UBXN11: variants seen among roughly 807,000 people sequenced by gnomAD.
The protein encoded by UBXN11 is UBX domain protein 11.
In UBXN11, 47 loss-of-function variants were observed where a neutral mutation model predicts 62.8. That is an observed-to-expected ratio of 0.75 (90% confidence interval 0.59 to 0.95). The LOEUF is 0.95. Ranked by LOEUF, UBXN11 falls within the 40% of genes least tolerant of loss-of-function variation. The pLI is 0.00. For missense variants in UBXN11, 638 were observed against 661.7 expected (o/e 0.96, Z 0.39); for synonymous variants, 294 against 267.0 (o/e 1.10, Z -0.99).
chr1:26,302,236 G>A (rs1196677163), intron 2 of UBXN11, among the ~76,000 whole-genome samples: 1 of 151,902 alleles, frequency 6.6e-6, no homozygotes, highest in Middle Eastern at 3.2e-3. Flanking sequence ...TATAGCATGC[G>A]CCTGTAGTCC....
At chr1:26,306,833 G>GGGGGGGGGGGGGGGGGT (rs1553165087), upstream of UBXN11, 5 of 32,150 alleles carry the variant, frequency 1.6e-4, no homozygotes, top group Non-Finnish European at 3.7e-4. Context: ...GCGGGGTGGG[G>GGGGGGGGGGGGGGGGGT]GGGGGGGGTG....
At chr1:26,307,883 T>G (rs2073697339), upstream of UBXN11, among the ~76,000 whole-genome samples, 1 of 152,062 alleles carries the variant, frequency 6.6e-6, no homozygotes, top group Non-Finnish European at 1.5e-5. Flanking sequence ...CATCTCTGCC[T>G]CCCAAAGTGG....
chr1:26,290,233 AACAGCTAGGTG>A (rs1285644777), intron 8 of UBXN11, among the ~76,000 whole-genome samples: 1 of 152,182 alleles, frequency 6.6e-6, no homozygotes, highest in Non-Finnish European at 1.5e-5. Context: ...CATGCATGAC[AACAGCTAGGTG>A]ACAGTGGCTG....
chr1:26,313,887 T>G (rs547354045), intron 1 of UBXN11, among the ~76,000 whole-genome samples: 30 of 151,670 alleles, frequency 2.0e-4, no homozygotes, highest in Admixed American at 5.9e-4. Flanking sequence ...TTCATGCCAT[T>G]CTCCTACCTC....
chr1:26,299,917 C>A (rs6659822), intron 4 of UBXN11, among the ~76,000 whole-genome samples: 27,348 of 151,950 alleles, frequency 0.18, 2,636 homozygotes, highest in African/African-American at 0.23. Flanking sequence ...ACTGATTGTG[C>A]CTGGGAGGCT....
intron 8 of UBXN11, among the ~76,000 whole-genome samples, chr1:26,287,433 G>A (rs1231039745): frequency 6.6e-6 from 1 of 152,132 alleles, no homozygotes; most frequent in Admixed American, 6.5e-5. Context: ...GTACAGACCA[G>A]GGGCCTGTTC....
At chr1:26,309,035 C>T (rs1320058306), upstream of UBXN11, among the ~76,000 whole-genome samples, 1 of 144,730 alleles carries the variant, frequency 6.9e-6, no homozygotes, top group Middle Eastern at 3.5e-3. Flanking sequence ...CAGATTCAAG[C>T]GATTCTCCAG....
At chr1:26,286,815 C>T (rs1029405085) in intron 8 of UBXN11, among the ~76,000 whole-genome samples, 2 of 148,608 alleles carry the variant, frequency 1.3e-5, no homozygotes, top group Non-Finnish European at 3.0e-5. Flanking sequence ...TCTCCTATCT[C>T]AGCCTCCTGA....
chr1:26,286,626 A>G (rs1557681036), intron 8 of UBXN11, among the ~76,000 whole-genome samples: 3 of 152,220 alleles, frequency 2.0e-5, no homozygotes, highest in Non-Finnish European at 4.4e-5. Flanking sequence ...CACCCTGTCC[A>G]TGTTTGCTAC....
chr1:26,297,360 C>A, intron 6 of UBXN11, 67 bp downstream of exon 6: 1 of 1,460,512 alleles, frequency 6.8e-7, no homozygotes, highest in South Asian at 1.4e-5. Context: ...GTGAAGCTTC[C>A]AGGAGCCCTG....
At chr1:26,300,398 T>A (rs1165408630) in intron 4 of UBXN11, among the ~76,000 whole-genome samples, 2 of 152,156 alleles carry the variant, frequency 1.3e-5, no homozygotes, top group Non-Finnish European at 2.9e-5. Flanking sequence ...ATCCCCAGCA[T>A]CCCCAGATCC....
chr1:26,284,265 C>CT lies in UBXN11; in HGVS notation c.974-21_974-20insA. 3 of 1,607,246 alleles carry CT rather than the reference C, an allele frequency of 1.9e-6. No individual in the cohort carries two copies. The highest frequency in any genetic ancestry group is 2.6e-6 in the Non-Finnish European group (3 of 1,176,356). ...TGGAGCCTACAGGCAGAGTTGGGAA[C>CT]CGGGGCCCAGGAAGGACTATGAGTG... is the stretch of plus-strand genomic sequence containing the variant. On this transcript the variant is annotated intron_variant, in intron 11 of 14. Transcript: ENST00000374222.
At chr1:26,299,797 G>A (rs573684891) in intron 4 of UBXN11, among the ~76,000 whole-genome samples, 1 of 152,190 alleles carries the variant, frequency 6.6e-6, no homozygotes, top group East Asian at 1.9e-4. Context: ...GACACCTGGA[G>A]CTCTTTCAAA....
At chr1:26,299,758 G>A (rs2073483315) in intron 4 of UBXN11, among the ~76,000 whole-genome samples, 3 of 152,084 alleles carry the variant, frequency 2.0e-5, no homozygotes, top group Admixed American at 2.0e-4. Context: ...AGTGGGAGAG[G>A]AGGGGATGAC....
chr1:26,307,136 G>A (rs529121812), upstream of UBXN11: 7 of 152,174 alleles, frequency 4.6e-5, no homozygotes, highest in Non-Finnish European at 8.8e-5. Context: ...GACCAGATTG[G>A]CGCCCGGAAG....
chr1:26,317,355 C>T (rs527747423), intron 1 of UBXN11, among the ~76,000 whole-genome samples: 2 of 152,300 alleles, frequency 1.3e-5, no homozygotes, highest in East Asian at 3.9e-4. Context: ...GAAAGCCCAA[C>T]TGAAACCAGG....
upstream of UBXN11, among the ~76,000 whole-genome samples, chr1:26,308,523 G>C (rs1196007029): frequency 6.6e-6 from 1 of 152,168 alleles, no homozygotes; most frequent in Non-Finnish European, 1.5e-5. Flanking sequence ...TGTGACTGGA[G>C]AGTGGACATA....
chr1:26,306,058 G>T (rs569411465), intron 1 of UBXN11, among the ~76,000 whole-genome samples: 12 of 152,336 alleles, frequency 7.9e-5, no homozygotes, highest in African/African-American at 2.4e-4. Flanking sequence ...CGTTTGGGGG[G>T]ACTCCTGAGG....
chr1:26,293,547 A>G (rs566811523), intron 8 of UBXN11, among the ~76,000 whole-genome samples: 90 of 151,874 alleles, frequency 5.9e-4, no homozygotes, highest in Middle Eastern at 6.8e-3. Flanking sequence ...CCAACATGGT[A>G]AAACCCCGTC....
Sources: gnomAD v4.1 joint callset for allele counts (sites outside exome capture counted in the v4.1 genomes callset) on GRCh38, gnomAD v4.1.1 for gene constraint, MANE v1.5 for transcripts, NCBI Gene and HGNC (gene_info 2026-07-23, HGNC 2026-07-21) for gene names.